The following LPA variants were observed in gnomAD, a reference collection of about 807,000 sequenced individuals.
LPA encodes the protein apolipoprotein(a).
Under a neutral mutation model 197.9 loss-of-function variants are expected in LPA, and 199 were observed. That is an observed-to-expected ratio of 1.01 (90% CI 0.90 to 1.13). The LOEUF is 1.13. Among genes scored for constraint, LPA ranks in the 50% most tolerant of loss-of-function variants. LPA has a pLI of 0.00. For missense variants in LPA, 1,853 were observed against 1,785.8 expected (o/e 1.04, Z -0.68); for synonymous variants, 715 against 639.5 (o/e 1.12, Z -1.78).
In LPA at chr6:160,555,039, A is replaced by G. The variant is rs1583575177; in HGVS notation, c.4973+986T>C. 2.6e-5 allele frequency among the ~76,000 whole-genome samples: 4 copies of G among 151,972 alleles called. No homozygotes were observed. The South Asian group carries it at 8.3e-4, about 32-fold the overall frequency. The stretch of plus-strand genomic sequence containing the variant: ...TGGAAAGTGTTTTTTAATATCTTTT[A>G]TAGTCATTTATGGCAGAAAGCCAGT... On this transcript the variant is annotated intron_variant, in intron 30 of 38. Coordinates refer to ENST00000316300, the MANE Select transcript of LPA (RefSeq NM_005577.4).
At chr6:160,561,824 C>T (rs1778367801) in intron 28 of LPA, among the ~76,000 whole-genome samples, 1 of 152,136 alleles carries the variant, frequency 6.6e-6, no homozygotes, top group African/African-American at 2.4e-5. Context: ...ATTTTATTCT[C>T]TTTGTAGCAA....
At chr6:160,582,299 T>C (rs899128517) in intron 26 of LPA, among the ~76,000 whole-genome samples, 1 of 152,036 alleles carries the variant, frequency 6.6e-6, no homozygotes, top group African/African-American at 2.4e-5. Flanking sequence ...ATTTCATTGT[T>C]TCTGATTTTA....
intron 30 of LPA, among the ~76,000 whole-genome samples, chr6:160,555,219 A>G (rs959705207): frequency 6.9e-6 from 1 of 144,940 alleles, no homozygotes; most frequent in Non-Finnish European, 1.5e-5. Flanking sequence ...CAGTGTGTTC[A>G]CACAGGTTTA....
intron 1 of LPA, among the ~76,000 whole-genome samples, chr6:160,656,803 A>C (rs994645429): frequency 6.6e-6 from 1 of 152,184 alleles, no homozygotes; most frequent in Admixed American, 6.5e-5. Flanking sequence ...TTGAGGGCCC[A>C]TGATTCTCTG....
At chr6:160,552,509 T>C (rs765590351) in intron 30 of LPA, among the ~76,000 whole-genome samples, 1 of 152,234 alleles carries the variant, frequency 6.6e-6, no homozygotes, top group Non-Finnish European at 1.5e-5. Flanking sequence ...GTCAGTGATA[T>C]TGCTTTAAAA....
intron 16 of LPA, among the ~76,000 whole-genome samples, chr6:160,610,784 G>C (rs537964579): frequency 4.6e-5 from 7 of 152,068 alleles, no homozygotes; most frequent in South Asian, 4.2e-4. Context: ...GTGCAGGAAG[G>C]GTATCCAGGA....
rs1413890788 is a variant in LPA at position 160,587,789 on chromosome 6, G to C, written c.3948-1159C>G. ...TGTGTGTGTGTGTGTGTGTGTGTGT[G>C]TGTGTGTGTGTTTCTGTCTGTTGGT... On this transcript the variant is annotated intron_variant, in intron 24 of 38. Transcript: ENST00000316300. Among the ~76,000 whole-genome samples the C allele has an allele frequency of 4.7e-4, 58 of 123,776 alleles. 1 individual carries two copies. The highest frequency in any genetic ancestry group is 1.9e-3 in the African/African-American group (54 of 28,886). 81.2% of individuals were successfully genotyped at this position (123,776 alleles called of 152,430 possible). A position where few individuals can be genotyped will look rare whatever the true frequency, so the allele number is the denominator to read the frequency against.
chr6:160,600,365 CA>C (rs1298230646), intron 19 of LPA, among the ~76,000 whole-genome samples: 1 of 152,178 alleles, frequency 6.6e-6, no homozygotes, highest in Admixed American at 6.5e-5. Context: ...TCACTCCCTT[CA>C]AAGCTAAGAA....
chr6:160,648,566 G>A, intron 2 of LPA, among the ~76,000 whole-genome samples: 1 of 152,026 alleles, frequency 6.6e-6, no homozygotes, highest in East Asian at 1.9e-4. Flanking sequence ...ATGTGTGTGT[G>A]TGTTTGTAAG....
intron 16 of LPA, among the ~76,000 whole-genome samples, chr6:160,611,291 T>A (rs1453107413): frequency 2.0e-5 from 3 of 152,020 alleles, no homozygotes; most frequent in African/African-American, 4.8e-5. Context: ...AATCTAAGTG[T>A]TTGGTGGTTC....
In LPA at chr6:160,531,790, C is replaced by G. The variant is rs763303641; in HGVS notation, c.6062G>C (p.Gly2021Ala). The change falls in exon 39 of 39, where the codon GGT becomes GCT. Residue 2021 changes from glycine (G) to alanine (A), a missense_variant. Transcript: ENST00000316300. ...GLGCARPNKP[G>A]VYARVSRFVT... ...AAACCTTGAAACACGAGCATAGACA[C>G]CAGGCTTATTGGGGCGTGCACAGCC... 3 of 1,613,982 alleles carry G rather than the reference C, an allele frequency of 1.9e-6. No individual in the cohort carries two copies. In the South Asian group the frequency reaches 3.3e-5, roughly 18 times the overall value.
At chr6:160,563,221 T>A (rs879117063) in intron 28 of LPA, among the ~76,000 whole-genome samples, 7 of 152,196 alleles carry the variant, frequency 4.6e-5, no homozygotes, top group African/African-American at 1.7e-4. Context: ...TAAATTTCCC[T>A]CTAAACATGG....
Position 160,577,257 on chromosome 6 carries a change from G to C in LPA, c.4510C>G (p.His1504Asp). The C allele has an allele frequency of 6.2e-7, 1 of 1,613,790 alleles. No individual in the cohort carries two copies. The highest frequency in any genetic ancestry group is 2.2e-5 in the East Asian group (1 of 44,866). The change falls in exon 28 of 39, where the codon CAT becomes GAT. Residue 1504 changes from histidine to aspartate, a missense_variant. Around this residue, in one of 3 missense-constraint regions of LPA, gnomAD observed 1,737 missense variants for 1,504.4 expected, o/e 1.15. Transcript: ENST00000316300. ...CCTCGATAACTCCGTCCATCACCATGGTAGCAATCCTGGACCACAGGGCTT... is the reference window on the plus strand; with the variant it reads ...CCTCGATAACTCCGTCCATCACCATCGTAGCAATCCTGGACCACAGGGCTT... ...EKSPVVQDCY[H>D]GDGRSYRGIS... is the part of the protein sequence containing the mutation.
intron 20 of LPA, 72 bp downstream of exon 20, chr6:160,599,428 T>A (rs535272045): frequency 6.3e-7 from 1 of 1,596,372 alleles, no homozygotes; most frequent in East Asian, 2.2e-5. Context: ...AGCAGTCACC[T>A]TGAAGCATGA....
chr6:160,660,565 A>G (rs1172299271), intron 1 of LPA, among the ~76,000 whole-genome samples: 1 of 152,182 alleles, frequency 6.6e-6, no homozygotes, highest in East Asian at 1.9e-4. Context: ...TTGATCTGCT[A>G]ATCCCTGTGT....
At chr6:160,593,277 G>A (rs765565220) in intron 22 of LPA, among the ~76,000 whole-genome samples, 1 of 152,144 alleles carries the variant, frequency 6.6e-6, no homozygotes, top group Non-Finnish European at 1.5e-5. Flanking sequence ...AATTTTCTCA[G>A]GCCTGTCATG....
At chr6:160,555,195 T>C (rs1255168999) in intron 30 of LPA, among the ~76,000 whole-genome samples, 1 of 149,902 alleles carries the variant, frequency 6.7e-6, no homozygotes, top group Non-Finnish European at 1.5e-5. Context: ...TTCAGAAAAC[T>C]GGAGCTTAGA....
intron 28 of LPA, among the ~76,000 whole-genome samples, chr6:160,568,071 G>A (rs536653037): frequency 2.6e-5 from 4 of 152,178 alleles, no homozygotes; most frequent in African/African-American, 9.7e-5. Flanking sequence ...ACAAAGAGGA[G>A]CTGGTACCAA....
intron 24 of LPA, among the ~76,000 whole-genome samples, chr6:160,589,126 C>A (rs1388442855): frequency 2.6e-5 from 4 of 152,202 alleles, no homozygotes; most frequent in African/African-American, 9.6e-5. Flanking sequence ...ATCGGAAGAT[C>A]TCGAAGTCAA....
Sources: allele counts gnomAD v4.1 joint callset (sites outside exome capture counted in the v4.1 genomes callset), GRCh38; gene constraint gnomAD v4.1.1; regional missense constraint gnomAD v4.1.1; transcripts MANE v1.5; gene names NCBI Gene and HGNC (gene_info 2026-07-23, HGNC 2026-07-21).